The following CRADD variants were observed in gnomAD, a reference collection of about 807,000 sequenced individuals.
CRADD encodes the protein CARD and death domain containing adaptor protein.
CRADD carries 9 observed loss-of-function variants against 15.5 expected under a neutral mutation model. That is an observed-to-expected ratio of 0.58 (90% CI 0.35 to 1.01). The LOEUF is 1.01. Ranked by LOEUF, CRADD falls within the 50% of genes least tolerant of loss-of-function variation. CRADD has a pLI of 0.02. For synonymous variants in CRADD, 118 were observed against 107.6 expected, an observed-to-expected ratio of 1.10 and a Z score of -0.60; for missense variants, 227 against 250.3, an observed-to-expected ratio of 0.91 and a Z score of 0.63.
intron 2 of CRADD, among the ~76,000 whole-genome samples, chr12:93,703,652 A>G (rs1955884004): frequency 6.6e-6 from 1 of 152,010 alleles, no homozygotes; most frequent in South Asian, 2.1e-4. Flanking sequence ...AGGAACCACC[A>G]TACCCAGCCT....
chr12:93,737,825 A>G (rs1318347094), intron 2 of CRADD: 1 of 155,882 alleles, frequency 6.4e-6, no homozygotes, highest in Non-Finnish European at 1.4e-5. Flanking sequence ...TATAGTTCTA[A>G]GAACCAGAGC....
chr12:93,876,412 C>A (rs113953479), intron 2 of CRADD, among the ~76,000 whole-genome samples: 1 of 152,086 alleles, frequency 6.6e-6, no homozygotes, highest in Non-Finnish European at 1.5e-5. Flanking sequence ...CACTTTCTAC[C>A]CCTATCTCTT....
At chr12:93,794,769 A>G (rs973253042) in intron 2 of CRADD, among the ~76,000 whole-genome samples, 3 of 151,886 alleles carry the variant, frequency 2.0e-5, no homozygotes, top group African/African-American at 7.3e-5. Flanking sequence ...GGAAAGCCGA[A>G]CTCCTTTGTG....
At chr12:93,893,540 TTTTAA>T (rs1958591406) in intron 2 of CRADD, among the ~76,000 whole-genome samples, 1 of 152,230 alleles carries the variant, frequency 6.6e-6, no homozygotes, top group South Asian at 2.1e-4. Context: ...CATTTGTTTG[TTTTAA>T]TTTAAGAGTC....
chr12:93,744,069 A>G (rs553693203), intron 2 of CRADD, among the ~76,000 whole-genome samples: 26 of 152,282 alleles, frequency 1.7e-4, no homozygotes, highest in Admixed American at 7.8e-4. Context: ...ATAACAGATT[A>G]CCACAAATGT....
At chr12:93,761,391 T>A (rs1592967922) in intron 2 of CRADD, among the ~76,000 whole-genome samples, 1 of 152,074 alleles carries the variant, frequency 6.6e-6, no homozygotes, top group African/African-American at 2.4e-5. Flanking sequence ...ATGATGATGG[T>A]GGCTTAAACA....
At chr12:93,703,279 A>G (rs1033521499) in intron 2 of CRADD, among the ~76,000 whole-genome samples, 1 of 152,180 alleles carries the variant, frequency 6.6e-6, no homozygotes, top group Admixed American at 6.5e-5. Flanking sequence ...GTCAACCACA[A>G]ATCAGTTGAT....
At chr12:93,783,688 A>G (rs1183531371) in intron 2 of CRADD, among the ~76,000 whole-genome samples, 1 of 152,190 alleles carries the variant, frequency 6.6e-6, no homozygotes, top group African/African-American at 2.4e-5. Context: ...TCAAAAGCTT[A>G]TATTTGATAA....
chr12:93,800,556 G>C (rs559340001), intron 2 of CRADD, among the ~76,000 whole-genome samples: 3 of 152,038 alleles, frequency 2.0e-5, no homozygotes, highest in African/African-American at 7.2e-5. Flanking sequence ...AGATCTGATG[G>C]TTTAAAAGTA....
intron 2 of CRADD, among the ~76,000 whole-genome samples, chr12:93,804,942 AG>A (rs1957519974): frequency 1.3e-5 from 2 of 152,070 alleles, no homozygotes; most frequent in Admixed American, 1.3e-4. Context: ...TGCTATACAA[AG>A]GGGGTGAGAA....
At chr12:93,845,563 A>AATATATAT (rs757508123) in intron 2 of CRADD, among the ~76,000 whole-genome samples, 1 of 71,398 alleles carries the variant, frequency 1.4e-5, no homozygotes, top group African/African-American at 6.3e-5. Flanking sequence ...GTCTCTATTA[A>AATATATAT]ATATATATAT....
chr12:93,732,905 G>C (rs957426640), intron 2 of CRADD, among the ~76,000 whole-genome samples: 1 of 152,200 alleles, frequency 6.6e-6, no homozygotes, highest in African/African-American at 2.4e-5. Flanking sequence ...ATAATATGTA[G>C]TGTAATGGAA....
chr12:93,813,054 G>A (rs1957647288), intron 2 of CRADD, among the ~76,000 whole-genome samples: 1 of 152,218 alleles, frequency 6.6e-6, no homozygotes, highest in Admixed American at 6.5e-5. Flanking sequence ...AGGGATATGT[G>A]TTATATCATA....
At chr12:93,736,081 A>C (rs1306399916) in intron 2 of CRADD, among the ~76,000 whole-genome samples, 1 of 152,176 alleles carries the variant, frequency 6.6e-6, no homozygotes, top group African/African-American at 2.4e-5. Context: ...AGCAAGCACC[A>C]GGCACATCTA....
intron 2 of CRADD, among the ~76,000 whole-genome samples, chr12:93,782,682 T>TA (rs1013111787): frequency 6.6e-6 from 1 of 151,582 alleles, no homozygotes; most frequent in African/African-American, 2.4e-5. Flanking sequence ...ACTGACTAAC[T>TA]AAAAAAATGC....
intron 2 of CRADD, among the ~76,000 whole-genome samples, chr12:93,875,363 T>A (rs1958450979): frequency 6.6e-6 from 1 of 152,066 alleles, no homozygotes. Flanking sequence ...ATCCAGTCTG[T>A]GTCTTTTGAT....
intron 2 of CRADD, among the ~76,000 whole-genome samples, chr12:93,856,227 A>T (rs1958273845): frequency 6.6e-6 from 1 of 152,132 alleles, no homozygotes; most frequent in Non-Finnish European, 1.5e-5. Flanking sequence ...CTTTATCAGG[A>T]CTCTAAAGAT....
At chr12:93,790,763 A>G (rs888213686) in intron 2 of CRADD, 7 of 152,122 alleles carry the variant, frequency 4.6e-5, no homozygotes, top group Non-Finnish European at 5.9e-5. Flanking sequence ...TCAGGTAAGC[A>G]TGATCTGTAC....
At position 93,760,131 on chromosome 12, in the gene CRADD, AG is replaced by A. The variant is rs558958909; in HGVS notation, c.298+81060del. 1.6e-4 allele frequency among the ~76,000 whole-genome samples: 25 copies of A among 152,330 alleles called. 1 individual carries two copies. In the East Asian group the frequency reaches 4.8e-3, roughly 29 times the overall value. On this transcript the variant is annotated intron_variant, in intron 2 of 2. Coordinates refer to ENST00000332896, the MANE Select transcript of CRADD (RefSeq NM_003805.5). ...AGGATGTTCAGCTGAAATGGAAGGA[AG>A]AAAGTAAAGAGGATAGAGAAAAAAA...
Sources: gnomAD v4.1 joint callset for allele counts (sites outside exome capture counted in the v4.1 genomes callset) on GRCh38, gnomAD v4.1.1 for gene constraint, MANE v1.5 for transcripts, NCBI Gene and HGNC (gene_info 2026-07-23, HGNC 2026-07-21) for gene names.